The following CDH12 variants were observed in gnomAD, a reference collection of about 807,000 sequenced individuals.
CDH12 encodes the protein cadherin 12.
CDH12 carries 41 observed loss-of-function variants against 74.1 expected under a neutral mutation model. That is an observed-to-expected ratio of 0.55 (90% CI 0.43 to 0.72). CDH12 has a LOEUF of 0.72. CDH12 is among the 30% of genes least tolerant of loss of function. CDH12 has a pLI of 0.00. For synonymous variants in CDH12, 399 were observed against 355.0 expected (o/e 1.12, Z -1.39); for missense variants, 945 against 977.2 (o/e 0.97, Z 0.44).
At chr5:22,516,905 T>A (rs1214414938) in intron 1 of CDH12, among the ~76,000 whole-genome samples, 1 of 151,138 alleles carries the variant, frequency 6.6e-6, no homozygotes, top group African/African-American at 2.4e-5. Context: ...ATTGGAGAGG[T>A]GTTAAAAAAT....
At chr5:22,545,578 T>C (rs1346636294) in intron 1 of CDH12, among the ~76,000 whole-genome samples, 1 of 152,162 alleles carries the variant, frequency 6.6e-6, no homozygotes, top group Non-Finnish European at 1.5e-5. Context: ...ACTCGCAGTC[T>C]CAAACCATAT....
intron 3 of CDH12, among the ~76,000 whole-genome samples, chr5:22,354,685 G>A (rs571871563): frequency 6.6e-6 from 1 of 152,194 alleles, no homozygotes; most frequent in South Asian, 2.1e-4. Context: ...TAGCTCCAAA[G>A]GCAGTGCTCT....
intron 1 of CDH12, among the ~76,000 whole-genome samples, chr5:22,698,890 A>G (rs866014613): frequency 6.6e-6 from 1 of 151,508 alleles, no homozygotes; most frequent in Middle Eastern, 3.4e-3. Context: ...TTCTCCGTAT[A>G]CAATTAGGTG....
intron 11 of CDH12, among the ~76,000 whole-genome samples, chr5:21,772,362 G>T (rs1031889291): frequency 6.6e-6 from 1 of 152,084 alleles, no homozygotes; most frequent in Non-Finnish European, 1.5e-5. Context: ...CACAGAGAGA[G>T]TTTTACCTTG....
chr5:22,664,426 T>A lies in CDH12; in HGVS notation c.-522-159062A>T, dbSNP rs185225607. Reference sequence around the variant, plus strand: ...GCCAAGCGAAGGGGAGAAAAGCCCCTTTTAAACTATCAGATCTTGCGAGAA... The same window carrying A: ...GCCAAGCGAAGGGGAGAAAAGCCCCATTTAAACTATCAGATCTTGCGAGAA... On this transcript the variant is annotated intron_variant, in intron 1 of 14. Transcript: ENST00000382254. Among the ~76,000 whole-genome samples, 136 of 152,226 alleles carry A rather than the reference T, an allele frequency of 8.9e-4. 1 individual carries two copies. Among genetic ancestry groups the A allele is most frequent in the African/African-American group, 3.2e-3 (131 of 41,538 alleles).
chr5:22,325,418 C>T (rs1057092612), intron 3 of CDH12, among the ~76,000 whole-genome samples: 4 of 151,776 alleles, frequency 2.6e-5, no homozygotes, highest in African/African-American at 9.7e-5. Flanking sequence ...CAAATAATAC[C>T]ACATGAAAAA....
rs368077190 is a variant in CDH12 at position 21,979,691 on chromosome 5, G to T, written c.232-4306C>A. 4.6e-5 allele frequency among the ~76,000 whole-genome samples: 7 copies of T among 152,014 alleles called. No individual in the cohort carries two copies. The East Asian group carries it at 1.4e-3, about 29-fold the overall frequency. ...TTTCATTTGTCATTTGCCAGCCTGG[G>T]GTATGTTGGGAGAAGGAACAATTGA... On this transcript the variant is annotated intron_variant, in intron 5 of 14. Transcript: ENST00000382254.
At chr5:22,831,835 T>C (rs1736627698) in intron 1 of CDH12, among the ~76,000 whole-genome samples, 1 of 151,896 alleles carries the variant, frequency 6.6e-6, no homozygotes, top group African/African-American at 2.4e-5. Flanking sequence ...AGGTGGAGGT[T>C]ACAGTATGCC....
chr5:21,846,743 G>A (rs1381086708), intron 7 of CDH12, among the ~76,000 whole-genome samples: 2 of 151,938 alleles, frequency 1.3e-5, no homozygotes, highest in Non-Finnish European at 2.9e-5. Flanking sequence ...CTTGAAAAAA[G>A]TTATTGTCTG....
intron 1 of CDH12, among the ~76,000 whole-genome samples, chr5:22,542,513 A>G (rs1042679036): frequency 6.6e-6 from 1 of 152,136 alleles, no homozygotes; most frequent in Non-Finnish European, 1.5e-5. Flanking sequence ...GGAATTAATG[A>G]TCAGTTTGTA....
intron 5 of CDH12, among the ~76,000 whole-genome samples, chr5:21,984,387 A>G (rs1257085708): frequency 6.6e-6 from 1 of 152,188 alleles, no homozygotes; most frequent in Admixed American, 6.6e-5. Flanking sequence ...AATTCTGTAT[A>G]TAGAATATTA....
intron 1 of CDH12, among the ~76,000 whole-genome samples, chr5:22,656,857 A>G (rs1740064185): frequency 6.6e-6 from 1 of 152,148 alleles, no homozygotes; most frequent in Non-Finnish European, 1.5e-5. Flanking sequence ...AGAAAGAGAG[A>G]GACAGGGCCT....
intron 3 of CDH12, among the ~76,000 whole-genome samples, chr5:22,353,705 G>A (rs913605272): frequency 5.9e-5 from 9 of 152,122 alleles, no homozygotes; most frequent in Middle Eastern, 6.8e-3. Context: ...AAGTATACTC[G>A]AAAAGTTTGG....
intron 4 of CDH12, among the ~76,000 whole-genome samples, chr5:22,126,552 T>C (rs1745881440): frequency 6.6e-6 from 1 of 152,242 alleles, no homozygotes; most frequent in Admixed American, 6.5e-5. Flanking sequence ...ATATACACTT[T>C]GAGTAAAATA....
intron 6 of CDH12, among the ~76,000 whole-genome samples, chr5:21,923,844 TA>T (rs1445488785): frequency 1.3e-5 from 2 of 152,232 alleles, no homozygotes; most frequent in African/African-American, 4.8e-5. Context: ...ATCCGTTTTT[TA>T]AAATCGCCAT....
chr5:22,329,559 A>C (rs1297165373), intron 3 of CDH12, among the ~76,000 whole-genome samples: 1 of 152,218 alleles, frequency 6.6e-6, no homozygotes, highest in African/African-American at 2.4e-5. Context: ...ACCAAAAATC[A>C]GGTGAGCAAT....
At chr5:22,643,733 CTTTTTTTTTT>C (rs762944279) in intron 1 of CDH12, among the ~76,000 whole-genome samples, 3 of 51,202 alleles carry the variant, frequency 5.9e-5, no homozygotes, top group Admixed American at 3.0e-4. Context: ...TTTAAGGTAT[CTTTTTTTTTT>C]TTTTTTTTTT....
intron 1 of CDH12, among the ~76,000 whole-genome samples, chr5:22,723,751 G>A (rs943079502): frequency 2.6e-5 from 4 of 152,056 alleles, no homozygotes; most frequent in Non-Finnish European, 4.4e-5. Context: ...TGGAGAAGGA[G>A]AAGGAGGTAA....
chr5:22,187,652 AG>A (rs1444175295), intron 4 of CDH12, among the ~76,000 whole-genome samples: 2 of 126,654 alleles, frequency 1.6e-5, no homozygotes, highest in African/African-American at 6.8e-5. Flanking sequence ...ACCTTGAAAG[AG>A]GAAAAAAAAA....
Sources: allele counts gnomAD v4.1 joint callset (sites outside exome capture counted in the v4.1 genomes callset), GRCh38; gene constraint gnomAD v4.1.1; transcripts MANE v1.5; gene names NCBI Gene and HGNC (gene_info 2026-07-23, HGNC 2026-07-21).